TMEM8B: variants seen among roughly 807,000 people sequenced by gnomAD.
TMEM8B encodes the protein nasopharyngeal carcinoma expressed 6.
Under a neutral mutation model 49.3 loss-of-function variants are expected in TMEM8B, and 29 were observed. The ratio of observed to expected loss-of-function variants is 0.59; its 90% CI spans 0.44 to 0.80. The LOEUF (loss-of-function observed/expected upper bound fraction) is 0.80, where lower values mean the gene tolerates loss of function less well. TMEM8B is among the 30% of genes least tolerant of loss of function. The probability of loss-of-function intolerance (pLI) is 0.00; values close to 1 mark genes in which losing one functional copy is unlikely to be tolerated. For synonymous variants in TMEM8B, 264 were observed against 272.8 expected, an observed-to-expected ratio of 0.97 and a Z score of 0.32; for missense variants, 575 against 658.5, an observed-to-expected ratio of 0.87 and a Z score of 1.39.
Position 35,842,773 on chromosome 9 carries a change from T to TG in TMEM8B, c.1635+57dup. 6.5e-7 allele frequency: 1 copy of TG among 1,528,498 alleles called. No homozygotes were observed. 94.7% of individuals were successfully genotyped at this position (1,528,498 alleles called of 1,614,324 possible). ...CTGCCAGGGAGCTTGAAGGGGAAGGTGTCAGGGGTGTTGGGGTGTTTACCT... is the reference window on the plus strand; with the variant it reads ...CTGCCAGGGAGCTTGAAGGGGAAGGTGGTCAGGGGTGTTGGGGTGTTTACCT... On this transcript the variant is annotated intron_variant, in intron 6 of 12. Coordinates refer to ENST00000643932, the MANE Select transcript of TMEM8B (RefSeq NM_001042590.4). This position sits in a 1 kb window ranked among gnomAD's most constrained non-coding sequence, Gnocchi z 5.6.
intron 6 of TMEM8B, among the ~76,000 whole-genome samples, chr9:35,844,914 AT>A (rs60846821): frequency 1.3e-5 from 2 of 151,682 alleles, no homozygotes; most frequent in African/African-American, 4.9e-5. Flanking sequence ...AAATATTTTG[AT>A]TTTTTTTTCT....
rs1832682928 is a variant in TMEM8B at position 35,863,444 on chromosome 9, G to C, written c.*9604G>C. ...CTTGTGGCCCTAAAGAAATAACTCT[G>C]TGTCCAGAAAATGCCATGTTACCAG... On this transcript the variant is annotated 3_prime_UTR_variant, in exon 13 of 13. Coordinates refer to ENST00000643932, the MANE Select transcript of TMEM8B (RefSeq NM_001042590.4). 6.6e-6 allele frequency: 1 copy of C among 152,180 alleles called. No homozygotes were observed. Among genetic ancestry groups the C allele is most frequent in the Non-Finnish European group, 1.5e-5 (1 of 68,034 alleles). 9.4% of individuals were successfully genotyped at this position (152,180 alleles called of 1,614,324 possible). A position where few individuals can be genotyped will look rare whatever the true frequency, so the allele number is the denominator to read the frequency against.
intron 1 of TMEM8B, chr9:35,833,227 C>G: frequency 1.4e-6 from 1 of 697,310 alleles, no homozygotes; most frequent in Non-Finnish European, 1.8e-6. Context: ...ACTAGGTTAG[C>G]CCTGAGGGTA....
chr9:35,851,681 C>T (rs1024330208), intron 10 of TMEM8B, among the ~76,000 whole-genome samples: 4 of 152,164 alleles, frequency 2.6e-5, no homozygotes, highest in Non-Finnish European at 5.9e-5. Context: ...AAGATAGATA[C>T]GCAAGCTTGA....
chr9:35,852,691 C>T, intron 10 of TMEM8B, 136 bp from the exon 11 acceptor site: 2 of 1,023,666 alleles, frequency 2.0e-6, no homozygotes, highest in Non-Finnish European at 2.9e-6. Flanking sequence ...TCAGGCATTT[C>T]CCAGATCTTC....
rs867389360 is a variant in TMEM8B, at chr9:35,846,611, G to A, written c.1996G>A (p.Gly666Arg). The part of the protein sequence containing the change: ...YLYAACECKA[G>R]WRGWGCTDSA... Reference sequence around the variant, plus strand: ...GTACGCAGCCTGCGAGTGCAAGGCCGGTGAGCAGGCTGGCGAGGGAGCGGG... The same window carrying A: ...GTACGCAGCCTGCGAGTGCAAGGCCAGTGAGCAGGCTGGCGAGGGAGCGGG... The change falls in exon 9 of 13, where the codon GGG (glycine) becomes AGG (arginine). Residue 666 changes from glycine (G) to arginine (R), a missense_variant and splice_region_variant. Coordinates refer to ENST00000643932, the MANE Select transcript of TMEM8B (RefSeq NM_001042590.4). The A allele has an allele frequency of 1.3e-6, 2 of 1,574,296 alleles. No individual in the cohort carries two copies. Among genetic ancestry groups the A allele is most frequent in the African/African-American group, 1.4e-5 (1 of 74,030 alleles).
At position 35,834,374 on chromosome 9, in the gene TMEM8B, T is replaced by C. The variant is rs1273986576; in HGVS notation, c.509-87T>C. On this transcript the variant is annotated intron_variant, in intron 1 of 12. Coordinates refer to ENST00000643932, the MANE Select transcript of TMEM8B (RefSeq NM_001042590.4). ...AGGAGAGCATTTGTGGAGTTGATGC[T>C]ATTGGTGAGGAAGACTGGCATGCCT... is the stretch of plus-strand genomic sequence containing the variant. The C allele has an allele frequency of 2.0e-5, 8 of 402,580 alleles. No homozygotes were observed. The East Asian group carries it at 2.9e-4, about 14-fold the overall frequency. 24.9% of individuals were successfully genotyped at this position (402,580 alleles called of 1,614,324 possible). A position where few individuals can be genotyped will look rare whatever the true frequency, so the allele number is the denominator to read the frequency against.
At chr9:35,840,716 A>G (rs1173229883) in intron 3 of TMEM8B, among the ~76,000 whole-genome samples, 1 of 151,080 alleles carries the variant, frequency 6.6e-6, no homozygotes, top group Non-Finnish European at 1.5e-5. Context: ...AGAGCTTTCC[A>G]CTCCACCCCA....
intron 3 of TMEM8B, among the ~76,000 whole-genome samples, chr9:35,840,367 G>A (rs1830850526): frequency 1.3e-5 from 2 of 152,196 alleles, no homozygotes; most frequent in South Asian, 2.1e-4. Context: ...CAAGGTCAGC[G>A]CTTCCCCCAG....
chr9:35,837,483 T>A (rs764606014), intron 3 of TMEM8B, among the ~76,000 whole-genome samples: 1 of 152,046 alleles, frequency 6.6e-6, no homozygotes, highest in African/African-American at 2.4e-5. Flanking sequence ...TAGAAGGAAC[T>A]GAAGTGGCTC....
chr9:35,847,248 T>C, intron 10 of TMEM8B: 1 of 1,120,304 alleles, frequency 8.9e-7, no homozygotes, highest in Non-Finnish European at 1.3e-6. Flanking sequence ...TGTTCCACAC[T>C]CTGTCCACCC....
chr9:35,851,355 G>A (rs953524941), intron 10 of TMEM8B, among the ~76,000 whole-genome samples: 4 of 151,794 alleles, frequency 2.6e-5, no homozygotes, highest in African/African-American at 9.7e-5. Context: ...ATGTCGCCCA[G>A]GCTGGTCTTT....
At chr9:35,845,407 A>G (rs1831423780) in intron 6 of TMEM8B, 1 of 985,274 alleles carries the variant, frequency 1.0e-6, no homozygotes, top group African/African-American at 1.7e-5. Context: ...TGTTGCCTTT[A>G]TTCTTGTAGA....
At position 35,846,505 on chromosome 9, in the gene TMEM8B, G is replaced by T; in HGVS notation, c.1890G>T (p.Arg630=). 6.3e-7 allele frequency: 1 copy of T among 1,596,122 alleles called. No individual in the cohort carries two copies. ...VRCRNATAEV[R]MRTFLSPCVD... ...GCCGCAACGCGACGGCCGAGGTGCGGATGCGCACCTTCCTGTCCCCATGCG... is the reference window on the plus strand; with the variant it reads ...GCCGCAACGCGACGGCCGAGGTGCGTATGCGCACCTTCCTGTCCCCATGCG... The change falls in exon 9 of 13, where the codon CGG becomes CGT. Residue 630 remains arginine, a synonymous_variant. Coordinates refer to ENST00000643932, the MANE Select transcript of TMEM8B (RefSeq NM_001042590.4).
chr9:35,846,194 T>A, intron 7 of TMEM8B, 64 bp from the exon 8 acceptor site: 1 of 1,608,114 alleles, frequency 6.2e-7, no homozygotes, highest in Non-Finnish European at 8.5e-7. Flanking sequence ...TGGGAGCAGG[T>A]GGGTGAGGGT....
chr9:35,839,843 A>C (rs949671323), intron 3 of TMEM8B, among the ~76,000 whole-genome samples: 2 of 152,124 alleles, frequency 1.3e-5, no homozygotes, highest in African/African-American at 4.8e-5. Flanking sequence ...CCCCTTTTTG[A>C]CACCCATTCT....
In TMEM8B at chr9:35,860,049, C is replaced by G. The variant is rs1383818594; in HGVS notation, c.*6209C>G. The G allele has an allele frequency of 6.6e-6, 1 of 152,244 alleles. No homozygotes were observed. The highest frequency in any genetic ancestry group is 2.4e-5 in the African/African-American group (1 of 41,452). The allele number at this position is 152,244 out of a possible 1,614,324, so 9.4% of individuals were successfully genotyped here. ...AAAAAGCTCCAACTGGCCTGGGAGC[C>G]CAGTGACCTGATGTCTGAGCTGCAG... On this transcript the variant is annotated 3_prime_UTR_variant, in exon 13 of 13. Transcript: ENST00000643932.
At chr9:35,848,770 G>T (rs1246375354) in intron 10 of TMEM8B, among the ~76,000 whole-genome samples, 1 of 151,314 alleles carries the variant, frequency 6.6e-6, no homozygotes, top group Non-Finnish European at 1.5e-5. Flanking sequence ...CGCCTCCCAG[G>T]TTCAAGCGAT....
intron 10 of TMEM8B, among the ~76,000 whole-genome samples, chr9:35,848,893 T>G (rs1360547934): frequency 2.0e-5 from 3 of 152,134 alleles, no homozygotes; most frequent in Non-Finnish European, 2.9e-5. Context: ...CAAGTTGGTC[T>G]CGATCTCCTG....
Sources: allele counts gnomAD v4.1 joint callset (sites outside exome capture counted in the v4.1 genomes callset), GRCh38; gene constraint gnomAD v4.1.1; non-coding constraint Gnocchi (gnomAD v3.1); transcripts MANE v1.5; gene names NCBI Gene and HGNC (gene_info 2026-07-23, HGNC 2026-07-21).